PRKN: variants seen among roughly 807,000 people sequenced by gnomAD.
The protein encoded by PRKN is parkin RBR E3 ubiquitin protein ligase.
In PRKN, 56 loss-of-function variants were observed where a neutral mutation model predicts 59.5. That is an observed-to-expected ratio of 0.94 (90% CI 0.76 to 1.18). The LOEUF (loss-of-function observed/expected upper bound fraction) is 1.18, where lower values mean the gene tolerates loss of function less well. Ranked by LOEUF, PRKN falls within the 50% of genes most tolerant of loss-of-function variation. The pLI is 0.00. For synonymous variants in PRKN, 250 were observed against 222.1 expected (o/e 1.13, Z -1.12); for missense variants, 657 against 596.4 (o/e 1.10, Z -1.06).
At chr6:162,540,623 A>G (rs1300726894) in intron 1 of PRKN, among the ~76,000 whole-genome samples, 1 of 151,862 alleles carries the variant, frequency 6.6e-6, no homozygotes, top group Non-Finnish European at 1.5e-5. Flanking sequence ...CCTGGCCAAC[A>G]TGGTTAAACC....
chr6:162,619,106 C>A (rs1390611552), intron 1 of PRKN, among the ~76,000 whole-genome samples: 1 of 150,900 alleles, frequency 6.6e-6, no homozygotes, highest in African/African-American at 2.4e-5. Flanking sequence ...GTGCCTCAAG[C>A]AAAATGAACC....
Position 161,358,788 on chromosome 6 carries a change from CTTTTT to C in PRKN, c.1285+1295_1285+1299del, listed in dbSNP as rs34428983. On this transcript the variant is annotated intron_variant, in intron 11 of 11. Coordinates refer to ENST00000366898, the MANE Select transcript of PRKN (RefSeq NM_004562.3). ...TTCCATCCCATCAGTGCCTTCTGCT[CTTTTT>C]TTTTTTTTTTTTTTTTTTTGAGATG... Among the ~76,000 whole-genome samples, 27 of 67,816 alleles carry C rather than the reference CTTTTT, an allele frequency of 4.0e-4. No individual in the cohort carries two copies. In the East Asian group the frequency reaches 8.9e-3, roughly 22 times the overall value. The allele number at this position is 67,816 out of a possible 152,430, so 44.5% of individuals were successfully genotyped here.
chr6:162,099,952 C>T (rs183078100), intron 4 of PRKN, among the ~76,000 whole-genome samples: 1 of 152,224 alleles, frequency 6.6e-6, no homozygotes, highest in African/African-American at 2.4e-5. Flanking sequence ...CAGCCCCTGG[C>T]AACCAGCATT....
intron 9 of PRKN, among the ~76,000 whole-genome samples, chr6:161,465,828 C>A (rs1253277076): frequency 6.6e-6 from 1 of 152,064 alleles, no homozygotes; most frequent in East Asian, 1.9e-4. Context: ...CTTTCTTTTT[C>A]TTCTTGGATT....
At chr6:161,818,970 G>C (rs781490041) in intron 6 of PRKN, among the ~76,000 whole-genome samples, 1 of 152,172 alleles carries the variant, frequency 6.6e-6, no homozygotes, top group African/African-American at 2.4e-5. Flanking sequence ...TAGGCCTGGA[G>C]ACATTCAATA....
intron 1 of PRKN, among the ~76,000 whole-genome samples, chr6:162,544,610 C>T (rs1031802307): frequency 6.6e-6 from 1 of 151,290 alleles, no homozygotes; most frequent in Non-Finnish European, 1.5e-5. Flanking sequence ...TAAATGTATG[C>T]ACAGAATGTT....
At chr6:161,657,449 C>T (rs983563065) in intron 7 of PRKN, among the ~76,000 whole-genome samples, 10 of 152,156 alleles carry the variant, frequency 6.6e-5, no homozygotes, top group African/African-American at 2.4e-4. Flanking sequence ...CATTCAAGAC[C>T]CTGTGTGAGT....
Position 162,696,779 on chromosome 6 carries a change from C to G in PRKN, c.7+30883G>C, listed in dbSNP as rs142618067. Among the ~76,000 whole-genome samples, 12 of 151,702 alleles carry G rather than the reference C, an allele frequency of 7.9e-5. No homozygotes were observed. In the East Asian group the frequency reaches 2.3e-3, roughly 30 times the overall value. On this transcript the variant is annotated intron_variant, in intron 1 of 11. Coordinates refer to ENST00000366898, the MANE Select transcript of PRKN (RefSeq NM_004562.3). ...TAAGCTGGTCTTGAACTCTTGGGCT[C>G]GAGGGATCCATCTACCTCGGCCTCC...
chr6:161,621,758 A>C (rs1782908846), intron 7 of PRKN, among the ~76,000 whole-genome samples: 1 of 152,178 alleles, frequency 6.6e-6, no homozygotes, highest in Non-Finnish European at 1.5e-5. Context: ...AAGAACTTTA[A>C]AGCTACTGAT....
At chr6:161,973,212 A>G in intron 6 of PRKN, 90 bp downstream of exon 6, 7 of 858,416 alleles carry the variant, frequency 8.2e-6, no homozygotes, top group Non-Finnish European at 1.2e-5. Context: ...GCAGAACAAT[A>G]TTGGGAAAGT....
At chr6:162,563,337 A>T (rs1779932723) in intron 1 of PRKN, among the ~76,000 whole-genome samples, 1 of 152,012 alleles carries the variant, frequency 6.6e-6, no homozygotes, top group Admixed American at 6.6e-5. Flanking sequence ...AAAACAAAAA[A>T]AGAGAAAGCA....
At chr6:161,782,558 T>C (rs1322534894) in intron 7 of PRKN, among the ~76,000 whole-genome samples, 1 of 152,120 alleles carries the variant, frequency 6.6e-6, no homozygotes, top group African/African-American at 2.4e-5. Flanking sequence ...TGCTTTGGAA[T>C]AATGGAAATA....
At chr6:161,995,833 A>G (rs1267987609) in intron 5 of PRKN, among the ~76,000 whole-genome samples, 4 of 152,122 alleles carry the variant, frequency 2.6e-5, no homozygotes, top group African/African-American at 4.8e-5. Flanking sequence ...CATTCTGGAA[A>G]ACAGTATGCA....
chr6:161,617,870 C>T (rs566798633), intron 7 of PRKN, among the ~76,000 whole-genome samples: 10 of 152,320 alleles, frequency 6.6e-5, no homozygotes, highest in African/African-American at 9.6e-5. Flanking sequence ...CCTGTTAAAT[C>T]GGTAGATTCC....
chr6:162,711,857 T>C (rs1778550864), intron 1 of PRKN, among the ~76,000 whole-genome samples: 1 of 152,200 alleles, frequency 6.6e-6, no homozygotes, highest in Non-Finnish European at 1.5e-5. Flanking sequence ...GCAAACTTTC[T>C]TGCGCAGATC....
chr6:162,400,390 T>C (rs1336037004), intron 2 of PRKN, among the ~76,000 whole-genome samples: 2 of 138,584 alleles, frequency 1.4e-5, no homozygotes, highest in Non-Finnish European at 3.0e-5. Flanking sequence ...AGCAGAAAGA[T>C]CAATTCACTT....
At chr6:161,940,969 A>G (rs1261503825) in intron 6 of PRKN, among the ~76,000 whole-genome samples, 7 of 152,186 alleles carry the variant, frequency 4.6e-5, no homozygotes. Flanking sequence ...GACACAGAAT[A>G]TTATTACTGA....
At chr6:162,241,639 C>G (rs1373282502) in intron 3 of PRKN, among the ~76,000 whole-genome samples, 1 of 152,086 alleles carries the variant, frequency 6.6e-6, no homozygotes, top group African/African-American at 2.4e-5. Flanking sequence ...CTACTTTATT[C>G]AAGAGTATAA....
chr6:161,570,146 A>AAAATATAT (rs869285771), intron 7 of PRKN, among the ~76,000 whole-genome samples: 23 of 76,570 alleles, frequency 3.0e-4, no homozygotes, highest in African/African-American at 1.5e-3. Context: ...AAAAAAAAAA[A>AAAATATAT]ATATATATAT....
Sources: allele counts gnomAD v4.1 joint callset (sites outside exome capture counted in the v4.1 genomes callset), GRCh38; gene constraint gnomAD v4.1.1; transcripts MANE v1.5; gene names NCBI Gene and HGNC (gene_info 2026-07-23, HGNC 2026-07-21).